The following RAPGEF6 variants were observed in gnomAD, a reference collection of about 807,000 sequenced individuals.
RAPGEF6 encodes Rap guanine nucleotide exchange factor 6.
RAPGEF6 carries 56 observed loss-of-function variants against 171.4 expected under a neutral mutation model. The observed-to-expected ratio is 0.33, with a 90% CI of 0.26 to 0.41. RAPGEF6 has a LOEUF of 0.41. Ranked by LOEUF, RAPGEF6 falls within the 10% of genes least tolerant of loss-of-function variation. The pLI is 1.00. For synonymous variants in RAPGEF6, 692 were observed against 650.1 expected (o/e 1.06, Z -0.98); for missense variants, 1,674 against 1,921.4 (o/e 0.87, Z 2.41).
chr5:131,454,778 A>G (rs1580848719), intron 20 of RAPGEF6, among the ~76,000 whole-genome samples: 1 of 152,306 alleles, frequency 6.6e-6, no homozygotes, highest in East Asian at 1.9e-4. Context: ...AAAACCCCAC[A>G]CTTAGTCATA....
rs1033711656 is a variant in RAPGEF6, at chr5:131,615,905, A to T, written c.70-11212T>A. ...AACAGAGCAAAACCCTGTCTCAATTAAAAAAAAAAAGAGGGAAGTCATGAG... is the reference window on the plus strand; with the variant it reads ...AACAGAGCAAAACCCTGTCTCAATTTAAAAAAAAAAGAGGGAAGTCATGAG... On this transcript the variant is annotated intron_variant, in intron 1 of 27. Coordinates refer to ENST00000509018, the MANE Select transcript of RAPGEF6 (RefSeq NM_016340.6). 4.2e-5 allele frequency among the ~76,000 whole-genome samples: 6 copies of T among 143,556 alleles called. No individual in the cohort carries two copies. The East Asian group carries it at 5.9e-4, about 14-fold the overall frequency. 94.2% of individuals were successfully genotyped at this position (143,556 alleles called of 152,430 possible).
chr5:131,572,980 T>G (rs930998167), intron 4 of RAPGEF6, among the ~76,000 whole-genome samples: 4 of 152,060 alleles, frequency 2.6e-5, no homozygotes, highest in Non-Finnish European at 5.9e-5. Flanking sequence ...ATCCATGCAT[T>G]TTTTACACTT....
intron 4 of RAPGEF6, among the ~76,000 whole-genome samples, chr5:131,576,665 C>T (rs1395523930): frequency 6.6e-6 from 1 of 152,160 alleles, no homozygotes; most frequent in Non-Finnish European, 1.5e-5. Context: ...CCCTCACGAC[C>T]AGTTTTTTTC....
chr5:131,569,969 G>A (rs1413894525), intron 4 of RAPGEF6, among the ~76,000 whole-genome samples: 1 of 145,794 alleles, frequency 6.9e-6, no homozygotes, highest in Non-Finnish European at 1.5e-5. Flanking sequence ...TTGACCCCGG[G>A]AGGCAGAGGT....
intron 1 of RAPGEF6, among the ~76,000 whole-genome samples, chr5:131,618,019 G>T (rs924961131): frequency 6.6e-6 from 1 of 152,160 alleles, no homozygotes; most frequent in Non-Finnish European, 1.5e-5. Context: ...TCTCACTAAA[G>T]GGGACTGAAG....
At chr5:131,552,461 CTTTT>C (rs200660234) in intron 5 of RAPGEF6, among the ~76,000 whole-genome samples, 2 of 142,046 alleles carry the variant, frequency 1.4e-5, no homozygotes, top group African/African-American at 2.6e-5. Flanking sequence ...AAAAATGCAA[CTTTT>C]TTTTTTTTTT....
At chr5:131,541,761 T>C (rs1040689796) in intron 6 of RAPGEF6, among the ~76,000 whole-genome samples, 2 of 152,248 alleles carry the variant, frequency 1.3e-5, no homozygotes, top group African/African-American at 4.8e-5. Context: ...GCAAAATATT[T>C]TGTATTCATT....
At chr5:131,457,972 T>G (rs564766533) in intron 19 of RAPGEF6, among the ~76,000 whole-genome samples, 71 of 152,318 alleles carry the variant, frequency 4.7e-4, no homozygotes, top group African/African-American at 1.6e-3. Context: ...AAGAATGCAG[T>G]AAGGTACTAG....
intron 6 of RAPGEF6, among the ~76,000 whole-genome samples, chr5:131,533,802 A>G (rs1189637534): frequency 6.6e-6 from 1 of 152,154 alleles, no homozygotes; most frequent in African/African-American, 2.4e-5. Context: ...AAACTCACTC[A>G]GAAGAAATCA....
chr5:131,448,496 C>T (rs546023587), intron 21 of RAPGEF6, among the ~76,000 whole-genome samples: 44 of 152,158 alleles, frequency 2.9e-4, no homozygotes, highest in African/African-American at 9.4e-4. Context: ...CAACAATTGA[C>T]GTTGTCTTGA....
chr5:131,467,282 T>A lies in RAPGEF6; in HGVS notation c.2240-3001A>T, dbSNP rs138296232. Among the ~76,000 whole-genome samples, 796 of 152,304 alleles carry A rather than the reference T, an allele frequency of 5.2e-3. 5 individuals carry two copies. The highest frequency in any genetic ancestry group is 0.018 in the African/African-American group (758 of 41,564). On this transcript the variant is annotated intron_variant, in intron 17 of 27. Coordinates refer to ENST00000509018, the MANE Select transcript of RAPGEF6 (RefSeq NM_016340.6). Reference sequence around the variant, plus strand: ...ATGTGAAGGACAAATTGTTATATGATCACATAAGATTGATTCAGGTATCAC... The same window carrying A: ...ATGTGAAGGACAAATTGTTATATGAACACATAAGATTGATTCAGGTATCAC...
intron 4 of RAPGEF6, among the ~76,000 whole-genome samples, chr5:131,568,475 T>G (rs1762082919): frequency 6.6e-6 from 1 of 152,012 alleles, no homozygotes; most frequent in Admixed American, 6.6e-5. Context: ...AGACTGCAAG[T>G]GTACACCACC....
chr5:131,489,056 T>A (rs1026201471), intron 15 of RAPGEF6, among the ~76,000 whole-genome samples: 1 of 152,214 alleles, frequency 6.6e-6, no homozygotes, highest in Non-Finnish European at 1.5e-5. Flanking sequence ...AGGTAGAGTA[T>A]GCTCTTATTA....
In RAPGEF6 at chr5:131,492,596, T is replaced by A. The variant is rs1756355420; in HGVS notation, c.1717A>T (p.Lys573Ter). Residue 573 changes from lysine to a stop codon, truncating the protein, a stop_gained, in exon 14 of 28, where the codon AAA becomes TAA. Coordinates refer to ENST00000509018, the MANE Select transcript of RAPGEF6 (RefSeq NM_016340.6). LOFTEE classifies it high-confidence loss of function. ...TATTTCCTTACCTGATCACCACGTT[T>A]CAGTCCTGAATCAGCAGCTTTGCTA... is the stretch of plus-strand genomic sequence containing the variant. Reference protein sequence around the residue: ...PGSKAADSGLKRGDQIMEVNG... With the variant: ...PGSKAADSGL The A allele has an allele frequency of 6.2e-7, 1 of 1,614,074 alleles. No individual in the cohort carries two copies. Among genetic ancestry groups the A allele is most frequent in the Non-Finnish European group, 8.5e-7 (1 of 1,180,036 alleles).
chr5:131,584,899 G>A (rs192008108), intron 4 of RAPGEF6, among the ~76,000 whole-genome samples: 89 of 152,344 alleles, frequency 5.8e-4, no homozygotes, highest in Admixed American at 2.1e-3. Context: ...CATGGTCTCA[G>A]TGAATTGGTT....
Position 131,433,636 on chromosome 5 carries a change from A to T in RAPGEF6, c.3768T>A (p.Ala1256=). The change falls in exon 25 of 28, where the codon GCT becomes GCA. Residue 1256 remains alanine, a synonymous_variant. Coordinates refer to ENST00000509018, the MANE Select transcript of RAPGEF6 (RefSeq NM_016340.6). ...PHKGYTLIPS[A]KSDNLSDSSH... is the part of the protein sequence containing the mutation. Reference sequence around the variant, plus strand: ...TGGAGTCAGACAAGTTGTCAGATTTAGCTGATGGAATAAGTGTGTAACCTG... The same window carrying T: ...TGGAGTCAGACAAGTTGTCAGATTTTGCTGATGGAATAAGTGTGTAACCTG... 3 of 1,610,912 alleles carry T rather than the reference A, an allele frequency of 1.9e-6. No individual in the cohort carries two copies. The highest frequency in any genetic ancestry group is 2.5e-6 in the Non-Finnish European group (3 of 1,177,062).
intron 3 of RAPGEF6, among the ~76,000 whole-genome samples, chr5:131,599,776 A>AT (rs940067032): frequency 4.6e-5 from 7 of 151,900 alleles, no homozygotes; most frequent in Admixed American, 3.3e-4. Context: ...TTTTTGATAA[A>AT]TTTTTTTTTA....
intron 6 of RAPGEF6, among the ~76,000 whole-genome samples, chr5:131,528,420 A>G (rs2149920895): frequency 6.8e-6 from 1 of 146,812 alleles, no homozygotes; most frequent in South Asian, 2.1e-4. Flanking sequence ...CCCAAAGGAG[A>G]ACCTTGGGTA....
At chr5:131,538,856 G>C (rs146377273) in intron 6 of RAPGEF6, among the ~76,000 whole-genome samples, 61 of 152,218 alleles carry the variant, frequency 4.0e-4, no homozygotes, top group African/African-American at 1.5e-3. Flanking sequence ...TATGCTTTTT[G>C]TCTATTTGTG....
Sources: allele counts gnomAD v4.1 joint callset (sites outside exome capture counted in the v4.1 genomes callset), GRCh38; gene constraint gnomAD v4.1.1; transcripts MANE v1.5; gene names NCBI Gene and HGNC (gene_info 2026-07-23, HGNC 2026-07-21).